Variants in DPP6 observed in about 807,000 individuals in gnomAD.
The protein encoded by DPP6 is dipeptidyl peptidase like 6.
In DPP6, 69 loss-of-function variants were observed where a neutral mutation model predicts 122.6. That is an observed-to-expected ratio of 0.56 (90% CI 0.46 to 0.69). DPP6 has a LOEUF of 0.69. Ranked by LOEUF, DPP6 falls within the 30% of genes least tolerant of loss-of-function variation. The probability of loss-of-function intolerance (pLI) is 0.00; values close to 1 mark genes in which losing one functional copy is unlikely to be tolerated. For synonymous variants in DPP6, 418 were observed against 433.1 expected (o/e 0.97, Z 0.43); for missense variants, 928 against 1,116.9 (o/e 0.83, Z 2.41).
At chr7:154,640,507 T>G (rs1836009512) in intron 6 of DPP6, among the ~76,000 whole-genome samples, 1 of 152,218 alleles carries the variant, frequency 6.6e-6, no homozygotes, top group Non-Finnish European at 1.5e-5. Flanking sequence ...CAATTCTTCC[T>G]CTTTGTCATA....
At chr7:154,703,663 C>T (rs1479214578) in intron 7 of DPP6, among the ~76,000 whole-genome samples, 1 of 151,142 alleles carries the variant, frequency 6.6e-6, no homozygotes, top group Admixed American at 6.6e-5. Flanking sequence ...ATAGGCTGGG[C>T]ATGGTGGCTC....
At chr7:154,436,728 C>T (rs79744223) in intron 1 of DPP6, among the ~76,000 whole-genome samples, 6,237 of 152,200 alleles carry the variant, frequency 0.041, 434 homozygotes, top group African/African-American at 0.14. Context: ...ACAGCCAGTA[C>T]CCCGCAGCTC....
intron 1 of DPP6, among the ~76,000 whole-genome samples, chr7:154,313,391 G>A (rs1231335917): frequency 6.6e-6 from 1 of 152,032 alleles, no homozygotes; most frequent in Non-Finnish European, 1.5e-5. Flanking sequence ...TGTTTTGAAA[G>A]CATACAATGG....
intron 1 of DPP6, among the ~76,000 whole-genome samples, chr7:154,111,630 TG>T (rs1823830986): frequency 6.8e-6 from 1 of 147,020 alleles, no homozygotes; most frequent in African/African-American, 2.6e-5. Context: ...CGTGTGTGTG[TG>T]TGTGTGTGTG....
the DPP6 span, among the ~76,000 whole-genome samples, chr7:153,846,337 G>T: frequency 6.6e-6 from 1 of 152,064 alleles, no homozygotes; most frequent in Admixed American, 6.6e-5. Flanking sequence ...CTATTGATTT[G>T]TAGAAATTAT....
At chr7:154,859,589 T>C (rs1803164146) in intron 17 of DPP6, among the ~76,000 whole-genome samples, 1 of 152,218 alleles carries the variant, frequency 6.6e-6, no homozygotes, top group Admixed American at 6.5e-5. Context: ...AATATTTGAC[T>C]TTTTTCCTCT....
chr7:154,327,932 G>A (rs1214952034), intron 1 of DPP6, among the ~76,000 whole-genome samples: 1 of 152,158 alleles, frequency 6.6e-6, no homozygotes, highest in Non-Finnish European at 1.5e-5. Flanking sequence ...CACATAGAAT[G>A]GAATAGAAAT....
intron 4 of DPP6, among the ~76,000 whole-genome samples, chr7:154,549,066 T>A: frequency 6.6e-6 from 1 of 152,186 alleles, no homozygotes. Flanking sequence ...AGAGAGGTCT[T>A]CAGGAAGCTT....
intron 3 of DPP6, among the ~76,000 whole-genome samples, chr7:154,521,474 G>A (rs1343357815): frequency 6.6e-6 from 1 of 151,460 alleles, no homozygotes; most frequent in African/African-American, 2.4e-5. Context: ...CTGTTTAAAA[G>A]TCTAAACAGG....
upstream of DPP6, among the ~76,000 whole-genome samples, chr7:153,885,198 A>G (rs1798865464): frequency 6.6e-6 from 1 of 151,746 alleles, no homozygotes; most frequent in Non-Finnish European, 1.5e-5. Flanking sequence ...CCTGCTTACA[A>G]TCGGATTTAG....
Position 154,446,284 on chromosome 7 carries a change from T to G in DPP6, c.314T>G (p.Val105Gly). 6.2e-7 allele frequency: 1 copy of G among 1,612,700 alleles called. No individual in the cohort carries two copies. Among genetic ancestry groups the G allele is most frequent in the Non-Finnish European group, 8.5e-7 (1 of 1,179,202 alleles). Residue 105 changes from valine (V) to glycine (G), a missense_variant, in exon 2 of 26, where the codon GTC becomes GGC. Physicochemically the swap from Val to Gly is moderately radical, Grantham distance 109. Transcript: ENST00000377770. ...GCAATTGCACTGCTTGTCATTCTGG[T>G]CATCTGCTCCTTGATCGTCACCTCG... ...GIAIALLVIL[V>G]ICSLIVTSVI...
At chr7:154,244,367 G>C (rs900139917) in intron 1 of DPP6, among the ~76,000 whole-genome samples, 1 of 152,054 alleles carries the variant, frequency 6.6e-6, no homozygotes, top group Non-Finnish European at 1.5e-5. Context: ...AGAGTCAGCA[G>C]ACCTATACTG....
intron 1 of DPP6, among the ~76,000 whole-genome samples, chr7:153,931,594 T>C (rs1801172652): frequency 1.3e-5 from 2 of 152,242 alleles, no homozygotes; most frequent in Admixed American, 1.3e-4. Context: ...AATTCATTAT[T>C]CTGTCAGATT....
intron 1 of DPP6, among the ~76,000 whole-genome samples, chr7:154,307,981 C>T (rs58992469): frequency 0.078 from 11,869 of 151,700 alleles, 869 homozygotes; most frequent in African/African-American, 0.19. Flanking sequence ...TGCAAATCAC[C>T]AAGTGTTGAT....
intron 1 of DPP6, among the ~76,000 whole-genome samples, chr7:154,407,539 G>T (rs1816220835): frequency 6.6e-6 from 1 of 152,080 alleles, no homozygotes; most frequent in Non-Finnish European, 1.5e-5. Flanking sequence ...TTCACCCTTG[G>T]TCCCCTTTCT....
intron 1 of DPP6, chr7:154,305,227 C>T (rs1025564816): frequency 5.8e-6 from 7 of 1,197,840 alleles, no homozygotes; most frequent in Admixed American, 4.1e-5. Context: ...GTTTCTGTGG[C>T]GATTGCAGAG....
At chr7:154,305,518 C>A (rs766391815) in intron 1 of DPP6, 2 of 1,604,456 alleles carry the variant, frequency 1.2e-6, no homozygotes, top group Non-Finnish European at 8.5e-7. Flanking sequence ...AGGAGCCAAG[C>A]GCTTCGGGGA....
Position 154,592,084 on chromosome 7 carries a change from T to A in DPP6, c.627+25168T>A, listed in dbSNP as rs139041392. ...CCCTTTGCTTTCGCAGGCACCCAGC[T>A]CCAGTGGCCCCTCAGTCCCAGCTAC... On this transcript the variant is annotated intron_variant, in intron 5 of 25. Coordinates refer to ENST00000377770, the MANE Select transcript of DPP6 (RefSeq NM_130797.4). Among the ~76,000 whole-genome samples, 172 of 152,166 alleles carry A rather than the reference T, an allele frequency of 1.1e-3. 1 individual carries two copies. Among genetic ancestry groups the A allele is most frequent in the African/African-American group, 3.8e-3 (157 of 41,512 alleles).
chr7:154,261,853 C>T (rs945132614), intron 1 of DPP6, among the ~76,000 whole-genome samples: 2 of 152,134 alleles, frequency 1.3e-5, no homozygotes, highest in Non-Finnish European at 2.9e-5. Context: ...CCATCTTACT[C>T]CTGCAAGAAT....
Sources: gnomAD v4.1 joint callset for allele counts (sites outside exome capture counted in the v4.1 genomes callset) on GRCh38, gnomAD v4.1.1 for gene constraint, MANE v1.5 for transcripts, NCBI Gene and HGNC (gene_info 2026-07-23, HGNC 2026-07-21) for gene names.